Variants in PDE4D observed in about 807,000 individuals in gnomAD.
PDE4D encodes phosphodiesterase 4D, also known as 3',5'-cyclic-AMP phosphodiesterase 4D.
A neutral mutation model predicts 87.4 loss-of-function variants in PDE4D; 24 were observed. That is an observed-to-expected ratio of 0.27 (90% CI 0.20 to 0.39). PDE4D has a LOEUF of 0.39. PDE4D is among the 10% of genes least tolerant of loss of function. The probability of loss-of-function intolerance (pLI) is 1.00; values close to 1 mark genes in which losing one functional copy is unlikely to be tolerated. For missense variants in PDE4D, 714 were observed against 1,041.0 expected, an observed-to-expected ratio of 0.69 and a Z score of 4.32; for synonymous variants, 384 against 383.2, an observed-to-expected ratio of 1.00 and a Z score of -0.02.
At chr5:59,273,215 A>C (rs188123483) in intron 1 of PDE4D, among the ~76,000 whole-genome samples, 2 of 152,262 alleles carry the variant, frequency 1.3e-5, no homozygotes, top group Non-Finnish European at 2.9e-5. Flanking sequence ...AAATGCAGAC[A>C]GCAACACTGG....
chr5:59,003,168 C>T, intron 6 of PDE4D, among the ~76,000 whole-genome samples: 1 of 152,204 alleles, frequency 6.6e-6, no homozygotes, highest in Non-Finnish European at 1.5e-5. Flanking sequence ...TTGACCTCTA[C>T]TGCCAGATCA....
At chr5:59,382,679 C>G (rs1786128133) in intron 1 of PDE4D, among the ~76,000 whole-genome samples, 1 of 152,032 alleles carries the variant, frequency 6.6e-6, no homozygotes, top group Non-Finnish European at 1.5e-5. Context: ...TTAAACAATT[C>G]CCTGGACCCA....
At chr5:59,674,833 T>C (rs1747798974) in intron 1 of PDE4D, among the ~76,000 whole-genome samples, 1 of 152,198 alleles carries the variant, frequency 6.6e-6, no homozygotes, top group South Asian at 2.1e-4. Flanking sequence ...TTGAAACAGG[T>C]GCTTTTGGCA....
chr5:59,556,832 G>C (rs1334141694), intron 1 of PDE4D, among the ~76,000 whole-genome samples: 1 of 151,908 alleles, frequency 6.6e-6, no homozygotes, highest in Non-Finnish European at 1.5e-5. Flanking sequence ...TTTCTAAATA[G>C]GCAGGGCATG....
At chr5:59,436,120 G>C (rs971015171) in intron 1 of PDE4D, among the ~76,000 whole-genome samples, 4 of 152,124 alleles carry the variant, frequency 2.6e-5, no homozygotes, top group African/African-American at 9.7e-5. Context: ...CTTCTATTAA[G>C]GGTCAGCTAC....
intron 2 of PDE4D, among the ~76,000 whole-genome samples, chr5:60,164,559 A>G (rs1385962018): frequency 6.6e-6 from 1 of 152,146 alleles, no homozygotes; most frequent in Non-Finnish European, 1.5e-5. Flanking sequence ...ATGCGGCTGA[A>G]TATCTGTGTC....
At chr5:60,243,711 C>A (rs1378896635) in intron 1 of PDE4D, among the ~76,000 whole-genome samples, 1 of 151,556 alleles carries the variant, frequency 6.6e-6, no homozygotes, top group Non-Finnish European at 1.5e-5. Context: ...AGAACAAAAA[C>A]CATTTCAATT....
At chr5:59,653,992 GC>G (rs1487472006) in intron 1 of PDE4D, among the ~76,000 whole-genome samples, 10 of 152,108 alleles carry the variant, frequency 6.6e-5, no homozygotes, top group Admixed American at 4.6e-4. Context: ...GATCCCTTAA[GC>G]CCAGGAGTTC....
At chr5:59,574,080 ATATTTATATATAT>A (rs1822499224) in intron 1 of PDE4D, among the ~76,000 whole-genome samples, 1 of 3,132 alleles carries the variant, frequency 3.2e-4, no homozygotes, top group Non-Finnish European at 1.4e-3. Context: ...ATTTATATAT[ATATTTATATATAT>A]AAATATATAT....
At chr5:59,751,246 G>A (rs540837452) in intron 1 of PDE4D, among the ~76,000 whole-genome samples, 10 of 152,236 alleles carry the variant, frequency 6.6e-5, no homozygotes, top group Admixed American at 2.6e-4. Context: ...CAGTCCTCAC[G>A]TAAATAATGC....
intron 1 of PDE4D, among the ~76,000 whole-genome samples, chr5:59,447,629 A>G (rs148848477): frequency 6.6e-6 from 1 of 152,398 alleles, no homozygotes; most frequent in East Asian, 1.9e-4. Flanking sequence ...AACATTAGAT[A>G]TAGCTTTGGG....
chr5:59,076,142 A>T lies in PDE4D; in HGVS notation c.809-37171T>A, dbSNP rs138343793. 1.8e-3 allele frequency among the ~76,000 whole-genome samples: 280 copies of T among 152,324 alleles called. 2 individuals are homozygous for T. The highest frequency in any genetic ancestry group is 6.3e-3 in the African/African-American group (261 of 41,582). Reference sequence around the variant, plus strand: ...CTTTGGCCCACTTTGGCATTGAACAATGTGAATAAAATGGCCACTCTCACA... The same window carrying T: ...CTTTGGCCCACTTTGGCATTGAACATTGTGAATAAAATGGCCACTCTCACA... On this transcript the variant is annotated intron_variant, in intron 5 of 14. Coordinates refer to ENST00000340635, the MANE Select transcript of PDE4D (RefSeq NM_001104631.2).
At chr5:59,899,995 C>G (rs1179303938) in intron 3 of PDE4D, among the ~76,000 whole-genome samples, 1 of 152,082 alleles carries the variant, frequency 6.6e-6, no homozygotes, top group Non-Finnish European at 1.5e-5. Flanking sequence ...AATCCCAGCA[C>G]TTTGTAGGCC....
At chr5:59,575,527 G>T (rs294501) in intron 1 of PDE4D, among the ~76,000 whole-genome samples, 106,431 of 152,000 alleles carry the variant, frequency 0.7, 37,838 homozygotes, top group South Asian at 0.87. Context: ...AGTTCGGCAG[G>T]ATGGTTGCTT....
intron 1 of PDE4D, among the ~76,000 whole-genome samples, chr5:59,450,636 A>G (rs1446362596): frequency 6.6e-6 from 1 of 152,160 alleles, no homozygotes; most frequent in East Asian, 1.9e-4. Context: ...TTTCTTCTCA[A>G]ATACTTGAGT....
intron 3 of PDE4D, among the ~76,000 whole-genome samples, chr5:59,951,642 G>T (rs1185408950): frequency 6.6e-6 from 1 of 152,130 alleles, no homozygotes; most frequent in Non-Finnish European, 1.5e-5. Flanking sequence ...ACGTTAACAT[G>T]ACAGCCACAT....
intron 6 of PDE4D, among the ~76,000 whole-genome samples, chr5:59,016,723 TTATA>T: frequency 6.6e-6 from 1 of 152,302 alleles, no homozygotes; most frequent in Non-Finnish European, 1.5e-5. Flanking sequence ...AGTAAAATTC[TTATA>T]TAAAGCAAAG....
intron 1 of PDE4D, among the ~76,000 whole-genome samples, chr5:59,699,654 T>C (rs570948478): frequency 7.2e-5 from 11 of 152,104 alleles, no homozygotes; most frequent in Non-Finnish European, 1.2e-4. Flanking sequence ...AAGAGGAAGA[T>C]AGAAATGATG....
Position 59,153,255 on chromosome 5 carries a change from T to C in PDE4D, c.808+27340A>G, listed in dbSNP as rs184540585. 1.8e-3 allele frequency among the ~76,000 whole-genome samples: 273 copies of C among 151,558 alleles called. 1 individual carries two copies. The highest frequency in any genetic ancestry group is 6.2e-3 in the African/African-American group (254 of 40,880). ...GCAGCGGGTGAAAGGCCAACCTTCATTGACCACTATAAGGCTTTTCTTAAA... is the reference window on the plus strand; with the variant it reads ...GCAGCGGGTGAAAGGCCAACCTTCACTGACCACTATAAGGCTTTTCTTAAA... On this transcript the variant is annotated intron_variant, in intron 5 of 14. Coordinates refer to ENST00000340635, the MANE Select transcript of PDE4D (RefSeq NM_001104631.2).
Sources: allele counts gnomAD v4.1 joint callset (sites outside exome capture counted in the v4.1 genomes callset), GRCh38; gene constraint gnomAD v4.1.1; transcripts MANE v1.5; gene names NCBI Gene and HGNC (gene_info 2026-07-23, HGNC 2026-07-21).